RBFOX1: variants seen among roughly 807,000 people sequenced by gnomAD.
RBFOX1 encodes RNA binding protein fox-1 homolog 1.
Under a neutral mutation model 57.7 loss-of-function variants are expected in RBFOX1, and 8 were observed. The observed-to-expected ratio is 0.14, with a 90% CI of 0.08 to 0.25. The LOEUF is 0.25. Ranked by LOEUF, RBFOX1 falls within the 10% of genes least tolerant of loss-of-function variation. The pLI is 1.00. For missense variants in RBFOX1, 611 were observed against 548.5 expected (o/e 1.11, Z -1.14); for synonymous variants, 326 against 222.4 (o/e 1.47, Z -4.15).
chr16:7,089,705 C>A (rs920068150), intron 4 of RBFOX1, among the ~76,000 whole-genome samples: 2 of 152,114 alleles, frequency 1.3e-5, no homozygotes, highest in Admixed American at 6.5e-5. Context: ...CTTCCACATC[C>A]GAAAAACTTG....
intron 3 of RBFOX1, among the ~76,000 whole-genome samples, chr16:6,655,232 G>T (rs985653911): frequency 6.6e-6 from 1 of 150,998 alleles, no homozygotes; most frequent in South Asian, 2.1e-4. Context: ...AAATTAGCCG[G>T]GTGTGGTGGC....
chr16:5,674,002 TG>T (rs2151422636), intron 3 of RBFOX1, among the ~76,000 whole-genome samples: 1 of 152,366 alleles, frequency 6.6e-6, no homozygotes, highest in African/African-American at 2.4e-5. Flanking sequence ...CTTCTGTGTG[TG>T]ACAGGGACTA....
intron 3 of RBFOX1, among the ~76,000 whole-genome samples, chr16:5,751,532 C>G (rs1046981760): frequency 7.2e-5 from 11 of 152,198 alleles, no homozygotes; most frequent in Non-Finnish European, 1.6e-4. Context: ...GATGTGGCTG[C>G]TGGATGAAGG....
At chr16:6,765,738 T>A (rs550350839) in intron 3 of RBFOX1, among the ~76,000 whole-genome samples, 5 of 152,280 alleles carry the variant, frequency 3.3e-5, no homozygotes, top group Admixed American at 3.3e-4. Context: ...TCAGCCTTAG[T>A]GCCCAGCAAC....
At chr16:5,545,829 A>C (rs1049896913) in intron 2 of RBFOX1, among the ~76,000 whole-genome samples, 2 of 152,192 alleles carry the variant, frequency 1.3e-5, no homozygotes, top group African/African-American at 4.8e-5. Flanking sequence ...GGAATAAGTC[A>C]CTTTAATAAG....
intron 5 of RBFOX1, among the ~76,000 whole-genome samples, chr16:7,567,065 C>G (rs184298531): frequency 1.3e-3 from 200 of 150,758 alleles, no homozygotes; most frequent in African/African-American, 4.6e-3. Flanking sequence ...GCGACCCACT[C>G]TATAATTAAA....
intron 4 of RBFOX1, among the ~76,000 whole-genome samples, chr16:7,137,191 A>T (rs1201600595): frequency 6.6e-6 from 1 of 152,190 alleles, no homozygotes; most frequent in African/African-American, 2.4e-5. Context: ...ATCTTTACTG[A>T]GCTAGCTGGA....
intron 4 of RBFOX1, among the ~76,000 whole-genome samples, chr16:7,508,333 T>C (rs1341466063): frequency 6.6e-6 from 1 of 152,158 alleles, no homozygotes; most frequent in African/African-American, 2.4e-5. Flanking sequence ...CCTAGGACAT[T>C]AATGCTTTCA....
chr16:6,013,165 T>C (rs969623263), intron 4 of RBFOX1, among the ~76,000 whole-genome samples: 2 of 152,234 alleles, frequency 1.3e-5, no homozygotes, highest in Admixed American at 6.5e-5. Context: ...AGATATGGAA[T>C]ATGAACGCAG....
rs368679448 is a variant in RBFOX1, at chr16:7,570,367, C to T, written c.271-9410C>T. On this transcript the variant is annotated intron_variant, in intron 5 of 15. Coordinates refer to ENST00000550418, the MANE Select transcript of RBFOX1 (RefSeq NM_018723.4). ...CTTATTTTATTTCTAATTATCCCCT[C>T]TCCCCTACTGAGCACAGAACTTCAA... 4.2e-4 allele frequency among the ~76,000 whole-genome samples: 64 copies of T among 152,264 alleles called. 1 individual carries two copies. In the East Asian group the frequency reaches 0.01, roughly 24 times the overall value.
At chr16:6,012,221 A>G (rs1189250311) in intron 4 of RBFOX1, among the ~76,000 whole-genome samples, 1 of 152,232 alleles carries the variant, frequency 6.6e-6, no homozygotes, top group Non-Finnish European at 1.5e-5. Context: ...TAGAATGAGG[A>G]TGGTAATCTG....
chr16:6,009,410 G>A (rs2094946798), intron 4 of RBFOX1, among the ~76,000 whole-genome samples: 1 of 152,152 alleles, frequency 6.6e-6, no homozygotes, highest in African/African-American at 2.4e-5. Flanking sequence ...AATTTCTGAT[G>A]CCTAATTTGT....
rs1567356553 is a variant in RBFOX1, at chr16:5,657,620, C to CTT, written c.318+58660_318+58661insTT. Among the ~76,000 whole-genome samples the CTT allele has an allele frequency of 7.5e-4, 68 of 90,644 alleles. 8 individuals are homozygous for CTT. Among genetic ancestry groups the CTT allele is most frequent in the East Asian group, 1.3e-3 (3 of 2,296 alleles). 59.5% of individuals were successfully genotyped at this position (90,644 alleles called of 152,430 possible). A position where few individuals can be genotyped will look rare whatever the true frequency, so the allele number is the denominator to read the frequency against. ...TCTTTCTCGCTCGCTTTCTTTCTTTCTCTCTTTCTTTCTTTCTTTCTTTCT... is the reference window on the plus strand; with the variant it reads ...TCTTTCTCGCTCGCTTTCTTTCTTTCTTTCTCTTTCTTTCTTTCTTTCTTTCT... On this transcript the variant is annotated intron_variant, in intron 3 of 19. Coordinates refer to the RBFOX1 transcript ENST00000641259.
chr16:7,314,100 G>A (rs2096383480), intron 4 of RBFOX1, among the ~76,000 whole-genome samples: 1 of 152,056 alleles, frequency 6.6e-6, no homozygotes, highest in South Asian at 2.1e-4. Flanking sequence ...TGAGGCTTTT[G>A]GACTTGGGGA....
chr16:5,557,495 T>G (rs1224256884), intron 2 of RBFOX1, among the ~76,000 whole-genome samples: 2 of 151,932 alleles, frequency 1.3e-5, no homozygotes, highest in Non-Finnish European at 2.9e-5. Context: ...GGTGGGGTGC[T>G]TGCGGTAAGG....
At chr16:5,280,825 CTT>C (rs912234498) in intron 1 of RBFOX1, among the ~76,000 whole-genome samples, 11 of 116,438 alleles carry the variant, frequency 9.4e-5, no homozygotes, top group Non-Finnish European at 1.3e-4. Flanking sequence ...TCCTTTCTTT[CTT>C]TTTTTTTTTG....
intron 3 of RBFOX1, among the ~76,000 whole-genome samples, chr16:6,960,226 C>T (rs2082674620): frequency 6.6e-6 from 1 of 152,066 alleles, no homozygotes; most frequent in African/African-American, 2.4e-5. Context: ...AGCACCTGGA[C>T]CCATTTAGAT....
chr16:5,598,824 T>C lies in RBFOX1; in HGVS notation c.259-78T>C, dbSNP rs901692157. The C allele has an allele frequency of 6.3e-6, 7 of 1,106,706 alleles. No individual in the cohort carries two copies. In the African/African-American group the frequency reaches 1.1e-4, roughly 18 times the overall value. The allele number at this position is 1,106,706 out of a possible 1,614,324, so 68.6% of individuals were successfully genotyped here. A position where few individuals can be genotyped will look rare whatever the true frequency, so the allele number is the denominator to read the frequency against. On this transcript the variant is annotated intron_variant, in intron 2 of 2. Transcript: ENST00000585867. Reference sequence around the variant, plus strand: ...TGAGACATTCTGGGTTGTGCTAAACTGGGTTACTCAAGGTTAGAATTTTTT... The same window carrying C: ...TGAGACATTCTGGGTTGTGCTAAACCGGGTTACTCAAGGTTAGAATTTTTT...
intron 3 of RBFOX1, among the ~76,000 whole-genome samples, chr16:6,818,442 AAAT>A (rs2090588912): frequency 6.6e-6 from 1 of 152,220 alleles, no homozygotes; most frequent in Admixed American, 6.5e-5. Flanking sequence ...AAGAAAAAAA[AAAT>A]ATTATTGAAT....
Sources: allele counts gnomAD v4.1 joint callset (sites outside exome capture counted in the v4.1 genomes callset), GRCh38; gene constraint gnomAD v4.1.1; transcripts MANE v1.5; gene names NCBI Gene and HGNC (gene_info 2026-07-23, HGNC 2026-07-21).